The following QTGAL variants were observed in gnomAD, a reference collection of about 807,000 sequenced individuals.
The protein encoded by QTGAL is queuosine-tRNA galactosyltransferase, also known as BGnT-like protein 1.
chr17:82,956,487 C>T, the QTGAL span, among the ~76,000 whole-genome samples: 1 of 152,244 alleles, frequency 6.6e-6, no homozygotes, highest in Non-Finnish European at 1.5e-5. The surrounding 1 kb of genome is among the most constrained non-coding windows in gnomAD (Gnocchi z 5.7). Flanking sequence ...CCACCCTCTC[C>T]AGCTGCCTCC....
the QTGAL span, chr17:82,965,699 G>C: frequency 6.2e-7 from 1 of 1,612,630 alleles, no homozygotes; most frequent in Non-Finnish European, 8.5e-7. Context: ...ACGCTCGCGA[G>C]CAGAACCAGG....
At chr17:82,944,776 G>A in the QTGAL span, 3 of 152,172 alleles carry the variant, frequency 2.0e-5, no homozygotes, top group East Asian at 1.9e-4. Flanking sequence ...GATCCTGAGG[G>A]TTTCTGCTGA....
At chr17:82,978,984 T>C in the QTGAL span, among the ~76,000 whole-genome samples, 1 of 152,276 alleles carries the variant, frequency 6.6e-6, no homozygotes, top group South Asian at 2.1e-4. This position sits in a 1 kb window ranked among gnomAD's most constrained non-coding sequence, Gnocchi z 4.8. Flanking sequence ...ATGTAGTATG[T>C]AAAGGGAAGT....
chr17:82,970,679 G>GCGACCTCCGCACCCAGCGTGGCC, the QTGAL span, among the ~76,000 whole-genome samples: 1 of 147,844 alleles, frequency 6.8e-6, no homozygotes. Context: ...CAGCGTGGCC[G>GCGACCTCCGCACCCAGCGTGGCC]TGATGCGAGG....
chr17:82,990,366 G>A, the QTGAL span, among the ~76,000 whole-genome samples: 3 of 152,210 alleles, frequency 2.0e-5, no homozygotes, highest in Non-Finnish European at 2.9e-5. Context: ...GAACGCCAAC[G>A]CAGGCAGTGT....
At chr17:83,006,883 A>T in the QTGAL span, 1 of 919,742 alleles carries the variant, frequency 1.1e-6, no homozygotes, top group Admixed American at 6.2e-5. The surrounding 1 kb of genome is among the most constrained non-coding windows in gnomAD (Gnocchi z 5.8). Flanking sequence ...GAACAGTTAC[A>T]TGTTTAGTTT....
At chr17:83,038,860 ACAAC>A in the QTGAL span, among the ~76,000 whole-genome samples, 28 of 141,112 alleles carry the variant, frequency 2.0e-4, no homozygotes, top group South Asian at 4.5e-4. Flanking sequence ...CTCCATCTCA[ACAAC>A]AACAAAAAAA....
At chr17:83,031,934 C>T in the QTGAL span, among the ~76,000 whole-genome samples, 1 of 152,278 alleles carries the variant, frequency 6.6e-6, no homozygotes, top group Non-Finnish European at 1.5e-5. Context: ...TCCTCATCAA[C>T]TCCACAGAGC....
At chr17:82,976,125 C>T in the QTGAL span, among the ~76,000 whole-genome samples, 5 of 40,596 alleles carry the variant, frequency 1.2e-4, no homozygotes, top group Non-Finnish European at 2.4e-4. Context: ...TCCCAGGGGC[C>T]GGAGGCCACT....
the QTGAL span, among the ~76,000 whole-genome samples, chr17:83,020,425 A>T: frequency 6.6e-6 from 1 of 152,222 alleles, no homozygotes; most frequent in African/African-American, 2.4e-5. Flanking sequence ...CTTCAGAACA[A>T]TATTTTCCAT....
chr17:83,006,658 C>A, the QTGAL span: 4 of 985,426 alleles, frequency 4.1e-6, no homozygotes, highest in Non-Finnish European at 4.8e-6. The surrounding 1 kb of genome is among the most constrained non-coding windows in gnomAD (Gnocchi z 5.8). Context: ...CGTGGCTGTG[C>A]TCTCCAGAGC....
the QTGAL span, among the ~76,000 whole-genome samples, chr17:83,039,100 G>A: frequency 2.0e-5 from 3 of 152,152 alleles, no homozygotes; most frequent in Non-Finnish European, 4.4e-5. Context: ...AACACCTCCT[G>A]AGTGCCCGCT....
the QTGAL span, among the ~76,000 whole-genome samples, chr17:82,982,780 G>A: frequency 6.6e-6 from 1 of 152,216 alleles, no homozygotes; most frequent in African/African-American, 2.4e-5. Context: ...TCGATGTCCT[G>A]ATTGTCGTGT....
At chr17:83,001,696 A>T in the QTGAL span, among the ~76,000 whole-genome samples, 4 of 152,216 alleles carry the variant, frequency 2.6e-5, no homozygotes, top group African/African-American at 9.7e-5. Context: ...TTGCAGTAAC[A>T]TCGTTTTTTC....
chr17:83,034,149 G>A, the QTGAL span, among the ~76,000 whole-genome samples: 100,193 of 151,782 alleles, frequency 0.66, 33,455 homozygotes, highest in East Asian at 0.76. Context: ...CATGTTGGCC[G>A]GGCTGGTTTC....
chr17:82,946,723 C>A, the QTGAL span, among the ~76,000 whole-genome samples: 27 of 152,112 alleles, frequency 1.8e-4, no homozygotes, highest in African/African-American at 6.3e-4. Flanking sequence ...ATTCTGAAGT[C>A]GTGAATTATA....
chr17:82,963,525 A>C, the QTGAL span, among the ~76,000 whole-genome samples: 1 of 152,122 alleles, frequency 6.6e-6, no homozygotes, highest in Non-Finnish European at 1.5e-5. Context: ...CAAACCCCAA[A>C]CCAGGAAACA....
At chr17:82,945,926 T>C in the QTGAL span, 1 of 152,222 alleles carries the variant, frequency 6.6e-6, no homozygotes, top group African/African-American at 2.4e-5. Flanking sequence ...AAAGATGGCT[T>C]ATATGTGGAT....
the QTGAL span, among the ~76,000 whole-genome samples, chr17:83,028,742 T>C: frequency 2.0e-5 from 3 of 152,272 alleles, no homozygotes; most frequent in East Asian, 5.8e-4. Flanking sequence ...AAAAACACCT[T>C]TCCCTCTGAT....
Sources: gnomAD v4.1 joint callset for allele counts (sites outside exome capture counted in the v4.1 genomes callset) on GRCh38, gnomAD v4.1.1 for gene constraint, Gnocchi (gnomAD v3.1) non-coding constraint, MANE v1.5 for transcripts, NCBI Gene and HGNC (gene_info 2026-07-23, HGNC 2026-07-21) for gene names.